Variants in CATSPERE observed in about 807,000 individuals in gnomAD.
CATSPERE encodes the protein cation channel sperm-associated auxiliary subunit epsilon.
CATSPERE carries 93 observed loss-of-function variants against 114.1 expected under a neutral mutation model. That is an observed-to-expected ratio of 0.81 (90% CI 0.69 to 0.97). The LOEUF (loss-of-function observed/expected upper bound fraction) is 0.97, where lower values mean the gene tolerates loss of function less well. CATSPERE is among the 50% of genes least tolerant of loss of function. The probability of loss-of-function intolerance (pLI) is 0.00; values close to 1 mark genes in which losing one functional copy is unlikely to be tolerated. For missense variants in CATSPERE, 1,058 were observed against 1,131.6 expected (o/e 0.93, Z 0.93); for synonymous variants, 341 against 384.1 (o/e 0.89, Z 1.31).
At chr1:244,526,329 A>G (rs138742913) in intron 8 of CATSPERE, among the ~76,000 whole-genome samples, 1 of 152,256 alleles carries the variant, frequency 6.6e-6, no homozygotes, top group African/African-American at 2.4e-5. Context: ...AGAATGCCCA[A>G]GCCCAGGAGT....
At chr1:244,609,358 C>T (rs1670411447) in intron 18 of CATSPERE, among the ~76,000 whole-genome samples, 1 of 142,714 alleles carries the variant, frequency 7.0e-6, no homozygotes, top group South Asian at 2.3e-4. Flanking sequence ...TTATCACTTC[C>T]TTTTTTTTTT....
Position 244,560,678 on chromosome 1 carries a change from G to T in CATSPERE, c.1040G>T (p.Arg347Ile), listed in dbSNP as rs1662423370. The change falls in exon 10 of 22, where the codon AGA (arginine) becomes ATA (isoleucine). Residue 347 changes from arginine to isoleucine, a missense_variant. By Grantham distance (97) the Arg-to-Ile change is moderately conservative. This residue lies in a region of CATSPERE where 787 missense variants were observed against 905.6 expected (regional missense o/e 0.87). Coordinates refer to ENST00000366534, the MANE Select transcript of CATSPERE (RefSeq NM_001130957.2). ...TTCATTTTGTCACAGGCTAAAGGAA[G>T]AAGAAGCACCTTTGCAGTCTGGACA... ...WVNYLLKAKG[R>I]RSTFAVWTEN... The T allele has an allele frequency of 1.3e-6, 2 of 1,583,606 alleles. No individual in the cohort carries two copies. Among genetic ancestry groups the T allele is most frequent in the Non-Finnish European group, 1.7e-6 (2 of 1,166,548 alleles).
At chr1:244,537,044 T>C (rs1225071306) in intron 8 of CATSPERE, among the ~76,000 whole-genome samples, 1 of 152,212 alleles carries the variant, frequency 6.6e-6, no homozygotes, top group African/African-American at 2.4e-5. Flanking sequence ...TTTATTTCAC[T>C]TTCTCATGTT....
intron 20 of CATSPERE, among the ~76,000 whole-genome samples, chr1:244,621,082 TAAA>T (rs1315355202): frequency 1.7e-4 from 12 of 71,110 alleles, no homozygotes; most frequent in South Asian, 3.9e-4. Context: ...AATATATATA[TAAA>T]TATATATAAA....
chr1:244,591,646 G>C (rs1667734140), intron 14 of CATSPERE, 35 bp from the exon 15 acceptor site: 1 of 1,263,164 alleles, frequency 7.9e-7, no homozygotes, highest in Middle Eastern at 2.0e-4. Context: ...TTTAAGAAAT[G>C]ATATTTCAAC....
chr1:244,499,653 T>A (rs1490700703), intron 7 of CATSPERE, among the ~76,000 whole-genome samples: 1 of 152,104 alleles, frequency 6.6e-6, no homozygotes, highest in Non-Finnish European at 1.5e-5. Context: ...TTCATCCATG[T>A]CCCTGCAAAG....
At chr1:244,509,015 A>G (rs886409571) in intron 7 of CATSPERE, among the ~76,000 whole-genome samples, 1 of 150,646 alleles carries the variant, frequency 6.6e-6, no homozygotes, top group African/African-American at 2.4e-5. Context: ...TCATTGTGTC[A>G]TCTGCAAAGA....
At chr1:244,486,407 C>T (rs896711168) in intron 5 of CATSPERE, among the ~76,000 whole-genome samples, 1 of 149,020 alleles carries the variant, frequency 6.7e-6, no homozygotes, top group Non-Finnish European at 1.5e-5. Context: ...CTCGTAGTCA[C>T]GTGGTGGGTG....
chr1:244,608,782 G>A (rs576178543), intron 18 of CATSPERE, among the ~76,000 whole-genome samples: 1 of 151,912 alleles, frequency 6.6e-6, no homozygotes, highest in Non-Finnish European at 1.5e-5. Flanking sequence ...TGCCAATATC[G>A]ATTTCTCTGT....
chr1:244,583,388 G>GA (rs1441330318), intron 12 of CATSPERE, among the ~76,000 whole-genome samples: 1 of 152,066 alleles, frequency 6.6e-6, no homozygotes, highest in Non-Finnish European at 1.5e-5. Flanking sequence ...GATCATATTA[G>GA]ACCATTTAAT....
At chr1:244,505,305 G>A (rs1017580174) in intron 7 of CATSPERE, among the ~76,000 whole-genome samples, 14 of 152,112 alleles carry the variant, frequency 9.2e-5, no homozygotes, top group Admixed American at 2.6e-4. Context: ...GCTCTGGACC[G>A]TTTCGGTTCC....
chr1:244,570,799 T>C (rs2148570467), intron 10 of CATSPERE, among the ~76,000 whole-genome samples: 1 of 152,220 alleles, frequency 6.6e-6, no homozygotes, highest in South Asian at 2.1e-4. Context: ...AGAGAGTATA[T>C]ATATTAGAAA....
At chr1:244,625,255 G>T (rs1312012927) in intron 20 of CATSPERE, among the ~76,000 whole-genome samples, 2 of 150,824 alleles carry the variant, frequency 1.3e-5, no homozygotes, top group Non-Finnish European at 2.9e-5. Flanking sequence ...GTGTTAGTAG[G>T]CATGATAGGC....
In CATSPERE at chr1:244,488,427, T is replaced by G. The variant is rs571221376; in HGVS notation, c.327-2020T>G. Among the ~76,000 whole-genome samples the G allele has an allele frequency of 1.6e-4, 24 of 152,306 alleles. No homozygotes were observed. The South Asian group carries it at 5.0e-3, about 32-fold the overall frequency. On this transcript the variant is annotated intron_variant, in intron 5 of 21. Transcript: ENST00000366534. ...GTCCTTACCTTAAATGTCAATTCAA[T>G]CCAGGGTTTTCTCTTCGGTCTTATT...
intron 20 of CATSPERE, among the ~76,000 whole-genome samples, chr1:244,625,381 T>A (rs1390657415): frequency 8.9e-6 from 1 of 112,054 alleles, no homozygotes; most frequent in Non-Finnish European, 1.8e-5. Context: ...ATTTTTTACT[T>A]TATTTTTATT....
At chr1:244,535,083 T>C (rs1306702801) in intron 8 of CATSPERE, among the ~76,000 whole-genome samples, 1 of 152,234 alleles carries the variant, frequency 6.6e-6, no homozygotes, top group Non-Finnish European at 1.5e-5. Flanking sequence ...ACTCTTGTTC[T>C]CTTCTCTTAC....
chr1:244,566,662 T>A (rs201089126), intron 10 of CATSPERE, among the ~76,000 whole-genome samples: 27,252 of 106,664 alleles, frequency 0.26, 4,663 homozygotes, highest in East Asian at 0.47. Flanking sequence ...CTTTTTTTTT[T>A]TTTTTTTTTT....
At chr1:244,567,909 G>A (rs1663839363) in intron 10 of CATSPERE, among the ~76,000 whole-genome samples, 1 of 152,076 alleles carries the variant, frequency 6.6e-6, no homozygotes, top group Non-Finnish European at 1.5e-5. Flanking sequence ...ATCCTTTGGA[G>A]GGGAAGAGGC....
At chr1:244,600,642 G>A (rs1250680112) in intron 17 of CATSPERE, among the ~76,000 whole-genome samples, 1 of 152,152 alleles carries the variant, frequency 6.6e-6, no homozygotes, top group Non-Finnish European at 1.5e-5. Context: ...GGTAACTGGA[G>A]AAGCAAATCC....
Sources: allele counts gnomAD v4.1 joint callset (sites outside exome capture counted in the v4.1 genomes callset), GRCh38; gene constraint gnomAD v4.1.1; regional missense constraint gnomAD v4.1.1; transcripts MANE v1.5; gene names NCBI Gene and HGNC (gene_info 2026-07-23, HGNC 2026-07-21).